SLC3A1: variants seen among roughly 807,000 people sequenced by gnomAD.
The protein encoded by SLC3A1 is solute carrier family 3 member 1, also known as amino acid transporter heavy chain SLC3A1.
SLC3A1 carries 78 observed loss-of-function variants against 60.3 expected under a neutral mutation model. The observed-to-expected ratio is 1.29, with a 90% CI of 1.08 to 1.56. The LOEUF (loss-of-function observed/expected upper bound fraction) is 1.56. Ranked by LOEUF, SLC3A1 falls within the 40% of genes most tolerant of loss-of-function variation. SLC3A1 has a pLI of 0.00. For synonymous variants in SLC3A1, 392 were observed against 307.9 expected (o/e 1.27, Z -2.86); for missense variants, 1,172 against 858.9 (o/e 1.36, Z -4.56).
At chr2:44,283,057 G>T (rs10427366) in intron 3 of SLC3A1, among the ~76,000 whole-genome samples, 9,507 of 152,148 alleles carry the variant, frequency 0.062, 776 homozygotes, top group African/African-American at 0.19. Context: ...TCTGTCTCAG[G>T]CCAGAGCTTC....
intron 3 of SLC3A1, among the ~76,000 whole-genome samples, chr2:44,282,997 C>G (rs898656487): frequency 6.6e-6 from 1 of 152,076 alleles, no homozygotes; most frequent in Non-Finnish European, 1.5e-5. Flanking sequence ...GCGTGTTGAT[C>G]TGAATTCAGA....
intron 7 of SLC3A1, among the ~76,000 whole-genome samples, chr2:44,305,895 G>A (rs1672142447): frequency 6.6e-6 from 1 of 152,114 alleles, no homozygotes; most frequent in Non-Finnish European, 1.5e-5. Flanking sequence ...CCCAAATGAG[G>A]TGTCAGGTCT....
chr2:44,311,805 C>G (rs968807136), intron 7 of SLC3A1, among the ~76,000 whole-genome samples: 3 of 151,542 alleles, frequency 2.0e-5, no homozygotes, highest in Admixed American at 6.6e-5. Flanking sequence ...AACGCTAGTT[C>G]TGTCTTAGAC....
chr2:44,308,043 G>A (rs1572811644), intron 7 of SLC3A1, among the ~76,000 whole-genome samples: 2 of 152,306 alleles, frequency 1.3e-5, no homozygotes, highest in Admixed American at 1.3e-4. Flanking sequence ...GGGAGGCTGA[G>A]GTGGGAGTTG....
At chr2:44,292,546 A>G (rs1450561252) in intron 4 of SLC3A1, among the ~76,000 whole-genome samples, 1 of 152,132 alleles carries the variant, frequency 6.6e-6, no homozygotes, top group Non-Finnish European at 1.5e-5. Flanking sequence ...GGACAATTAA[A>G]CAGGCGATTA....
rs546690303 is a variant in SLC3A1 at position 44,297,513 on chromosome 2, T to G, written c.892-2458T>G. 3.1e-3 allele frequency among the ~76,000 whole-genome samples: 478 copies of G among 152,290 alleles called. 3 individuals carry two copies. Among genetic ancestry groups the G allele is most frequent in the African/African-American group, 0.011 (462 of 41,548 alleles). On this transcript the variant is annotated intron_variant, in intron 4 of 9. Transcript: ENST00000260649. Reference sequence around the variant, plus strand: ...TCCTGCTGTGCCCACCCACATATTTTGAAATGTCTTGAAGCTCTTGCAGCC... The same window carrying G: ...TCCTGCTGTGCCCACCCACATATTTGGAAATGTCTTGAAGCTCTTGCAGCC...
At chr2:44,307,111 T>C (rs1433786321) in intron 7 of SLC3A1, among the ~76,000 whole-genome samples, 2 of 152,222 alleles carry the variant, frequency 1.3e-5, no homozygotes, top group African/African-American at 2.4e-5. Flanking sequence ...TATGGGACTT[T>C]TGTGTCTAGC....
In SLC3A1 at chr2:44,300,014, GT is replaced by G; in HGVS notation, c.938del (p.Leu313TrpfsTer8). ...CTCACAAAGGGTGTTGATGGTTTTAGTTTGGATGCTGTTAAATTCCTCCTAG... is the reference window on the plus strand; with the variant it reads ...CTCACAAAGGGTGTTGATGGTTTTAGTTGGATGCTGTTAAATTCCTCCTAG... ...FWLTKGVDGF[S>X]LDAVKFLLEA... On this transcript the variant is annotated frameshift_variant, in exon 5 of 10. Coordinates refer to ENST00000260649, the MANE Select transcript of SLC3A1 (RefSeq NM_000341.4). LOFTEE classifies it high-confidence loss of function. The G allele has an allele frequency of 6.2e-7, 1 of 1,613,986 alleles. No individual in the cohort carries two copies. The highest frequency in any genetic ancestry group is 8.5e-7 in the Non-Finnish European group (1 of 1,179,882).
chr2:44,279,860 G>C (rs1279387593), intron 1 of SLC3A1, among the ~76,000 whole-genome samples: 2 of 151,724 alleles, frequency 1.3e-5, no homozygotes, highest in African/African-American at 4.8e-5. Context: ...ACCATGCCCG[G>C]CCCAGTATAA....
At chr2:44,309,622 T>C (rs992205202) in intron 7 of SLC3A1, among the ~76,000 whole-genome samples, 1 of 152,186 alleles carries the variant, frequency 6.6e-6, no homozygotes, top group Admixed American at 6.6e-5. Context: ...TTTTTTGAGA[T>C]GGAGTCTCAC....
chr2:44,312,586 A>G lies in SLC3A1; in HGVS notation c.1333A>G (p.Ile445Val), dbSNP rs778508523. 1 of 1,613,864 alleles carries G rather than the reference A, an allele frequency of 6.2e-7. No homozygotes were observed. The highest frequency in any genetic ancestry group is 1.1e-5 in the South Asian group (1 of 91,074). The part of the protein sequence containing the change: ...MPEGKWPNWM[I>V]GGPDSSRLTS... The stretch of plus-strand genomic sequence containing the variant: ...GTTCTTAAAAATATCTGCCTTTCAG[A>G]TTGGTGGACCAGACAGTTCACGGCT... The change falls in exon 8 of 10, where the codon ATT becomes GTT. Residue 445 changes from isoleucine (I) to valine (V), a missense_variant and splice_region_variant. Ile to Val is a conservative substitution (Grantham distance 29). Transcript: ENST00000260649.
intron 9 of SLC3A1, among the ~76,000 whole-genome samples, chr2:44,317,384 C>G (rs553771002): frequency 2.6e-4 from 39 of 151,874 alleles, no homozygotes; most frequent in African/African-American, 8.7e-4. Flanking sequence ...ATCACTTGAG[C>G]CCAGGATGTT....
chr2:44,300,941 G>A lies in SLC3A1; in HGVS notation c.1012-62G>A. ...TGAAGAGGTTGTCTACATTCATATA[G>A]AGCGAGCTGTGGGCATGCAATGTAT... On this transcript the variant is annotated intron_variant, in intron 5 of 9. Coordinates refer to ENST00000260649, the MANE Select transcript of SLC3A1 (RefSeq NM_000341.4). The A allele has an allele frequency of 1.9e-6, 3 of 1,606,966 alleles. No homozygotes were observed. The South Asian group carries it at 3.3e-5, about 18-fold the overall frequency.
chr2:44,280,462 C>T (rs1671469632), intron 1 of SLC3A1, among the ~76,000 whole-genome samples: 1 of 151,894 alleles, frequency 6.6e-6, no homozygotes, highest in African/African-American at 2.4e-5. Flanking sequence ...TGGTCTCGAG[C>T]TCTTGACCTT....
chr2:44,276,649 C>G (rs1350361867), intron 1 of SLC3A1, among the ~76,000 whole-genome samples: 1 of 151,818 alleles, frequency 6.6e-6, no homozygotes, highest in African/African-American at 2.4e-5. Flanking sequence ...TCGCTTGAGC[C>G]CAGGAGCTCT....
chr2:44,280,155 A>G (rs975723996), intron 1 of SLC3A1, among the ~76,000 whole-genome samples: 3 of 152,238 alleles, frequency 2.0e-5, no homozygotes, highest in African/African-American at 7.2e-5. Context: ...TTGGTTTTAA[A>G]TATAAAATAT....
chr2:44,321,712 A>G, downstream of SLC3A1: 1 of 1,591,816 alleles, frequency 6.3e-7, no homozygotes, highest in Non-Finnish European at 8.6e-7. Context: ...TCTCACCCAT[A>G]GATAGGACAT....
At chr2:44,283,080 T>C (rs1175987862) in intron 3 of SLC3A1, among the ~76,000 whole-genome samples, 1 of 152,094 alleles carries the variant, frequency 6.6e-6, no homozygotes, top group Non-Finnish European at 1.5e-5. Flanking sequence ...CTTGCCCGGG[T>C]TTGTGTTCTC....
chr2:44,297,951 C>G (rs1310447164), intron 4 of SLC3A1, among the ~76,000 whole-genome samples: 2 of 152,162 alleles, frequency 1.3e-5, no homozygotes, highest in African/African-American at 4.8e-5. Flanking sequence ...GCACATTGTT[C>G]CTTTCCATGG....
Sources: gnomAD v4.1 joint callset for allele counts (sites outside exome capture counted in the v4.1 genomes callset) on GRCh38, gnomAD v4.1.1 for gene constraint, MANE v1.5 for transcripts, NCBI Gene and HGNC (gene_info 2026-07-23, HGNC 2026-07-21) for gene names.